The following GPHN variants were observed in gnomAD, a reference collection of about 807,000 sequenced individuals.
GPHN encodes gephyrin.
Under a neutral mutation model 95.5 loss-of-function variants are expected in GPHN, and 17 were observed. The observed-to-expected ratio is 0.18, with a 90% CI of 0.12 to 0.27. The LOEUF is 0.27. Ranked by LOEUF, GPHN falls within the 10% of genes least tolerant of loss-of-function variation. GPHN has a pLI of 1.00. For synonymous variants in GPHN, 320 were observed against 322.5 expected (o/e 0.99, Z 0.08); for missense variants, 660 against 978.1 (o/e 0.67, Z 4.34).
chr14:66,546,743 G>T (rs1471882128), intron 1 of GPHN, among the ~76,000 whole-genome samples: 3 of 141,548 alleles, frequency 2.1e-5, no homozygotes, highest in African/African-American at 5.1e-5. Flanking sequence ...CTTCAGCTCG[G>T]TATCAGAGGG....
At chr14:67,354,301 C>T in the GPHN span, among the ~76,000 whole-genome samples, 2 of 152,012 alleles carry the variant, frequency 1.3e-5, no homozygotes, top group African/African-American at 4.8e-5. Flanking sequence ...TTTATGATGC[C>T]AACATAGTTT....
chr14:67,192,070 TA>T, the GPHN span, among the ~76,000 whole-genome samples: 2 of 152,188 alleles, frequency 1.3e-5, no homozygotes, highest in Admixed American at 6.5e-5. Flanking sequence ...CCATCTCAAA[TA>T]AAACTCCATT....
intron 9 of GPHN, among the ~76,000 whole-genome samples, chr14:66,988,217 A>G (rs1479343797): frequency 6.6e-6 from 1 of 152,088 alleles, no homozygotes; most frequent in Non-Finnish European, 1.5e-5. Context: ...ACTGACTAAC[A>G]TTGCTGTTGA....
At chr14:67,538,212 C>G in the GPHN span, among the ~76,000 whole-genome samples, 9 of 152,102 alleles carry the variant, frequency 5.9e-5, no homozygotes, top group Non-Finnish European at 1.0e-4. Context: ...GTTAGACTAG[C>G]CTGTTAGTAT....
At chr14:66,970,085 G>GTTTT (rs76967963) in intron 9 of GPHN, among the ~76,000 whole-genome samples, 1,416 of 98,946 alleles carry the variant, frequency 0.014, 9 homozygotes, top group Non-Finnish European at 0.022. Context: ...AGCAAGTTGT[G>GTTTT]TTTTTTTTTT....
the GPHN span, chr14:67,579,828 C>T: frequency 6.8e-6 from 11 of 1,608,462 alleles, no homozygotes; most frequent in African/African-American, 2.7e-5. Context: ...TCTTCACGGA[C>T]GATCCCTCGG....
the GPHN span, among the ~76,000 whole-genome samples, chr14:67,262,462 GTT>G: frequency 3.3e-5 from 5 of 152,084 alleles, no homozygotes; most frequent in Non-Finnish European, 7.4e-5. Context: ...TTAAAACTCT[GTT>G]TGGCTCCTGG....
the GPHN span, chr14:67,332,708 C>T: frequency 6.9e-7 from 1 of 1,448,158 alleles, no homozygotes; most frequent in African/African-American, 1.4e-5. Context: ...TGTTCTTTGG[C>T]CATCTCTGAC....
intron 2 of GPHN, among the ~76,000 whole-genome samples, chr14:66,687,462 ACTT>A (rs918205485): frequency 3.6e-5 from 5 of 137,724 alleles, no homozygotes; most frequent in Admixed American, 2.1e-4. Context: ...TTACAATATT[ACTT>A]CTTTTTCTTT....
At chr14:67,408,923 G>A in the GPHN span, among the ~76,000 whole-genome samples, 1 of 151,458 alleles carries the variant, frequency 6.6e-6, no homozygotes, top group Non-Finnish European at 1.5e-5. Flanking sequence ...CAGTTTTTTC[G>A]CCACATAAAT....
chr14:67,508,007 G>A, the GPHN span, among the ~76,000 whole-genome samples: 293 of 152,112 alleles, frequency 1.9e-3, 2 homozygotes, highest in African/African-American at 6.7e-3. Context: ...ACGTGGGGGC[G>A]CATGCCTCTA....
intron 4 of GPHN, among the ~76,000 whole-genome samples, chr14:66,834,009 C>T (rs548710138): frequency 3.9e-4 from 60 of 152,136 alleles, no homozygotes; most frequent in Non-Finnish European, 8.1e-4. Flanking sequence ...ACATTTCAAC[C>T]ATCACTTCTT....
At chr14:66,928,340 G>A (rs969892736) in intron 8 of GPHN, among the ~76,000 whole-genome samples, 1 of 152,114 alleles carries the variant, frequency 6.6e-6, no homozygotes, top group African/African-American at 2.4e-5. Flanking sequence ...AGTCTGTAAT[G>A]ATACTTTGAA....
At chr14:67,639,626 G>C in the GPHN span, among the ~76,000 whole-genome samples, 1 of 152,002 alleles carries the variant, frequency 6.6e-6, no homozygotes, top group African/African-American at 2.4e-5. Context: ...GTCCATTCAA[G>C]ATCTGTACAG....
chr14:66,758,677 C>T (rs2058657203), intron 2 of GPHN, among the ~76,000 whole-genome samples: 1 of 152,176 alleles, frequency 6.6e-6, no homozygotes, highest in Admixed American at 6.5e-5. Context: ...GGTTTGGGTG[C>T]ATGGGGCTTG....
At chr14:67,513,812 T>C in the GPHN span, among the ~76,000 whole-genome samples, 1 of 152,322 alleles carries the variant, frequency 6.6e-6, no homozygotes, top group Admixed American at 6.5e-5. Flanking sequence ...CCCAAAGGGC[T>C]ATCCTGCCAC....
At chr14:66,839,225 G>A (rs1057435469) in intron 4 of GPHN, among the ~76,000 whole-genome samples, 3 of 152,200 alleles carry the variant, frequency 2.0e-5, no homozygotes, top group African/African-American at 4.8e-5. Flanking sequence ...CTGAATGAAC[G>A]AGACCGAAGG....
chr14:67,659,975 T>G, the GPHN span: 2 of 1,551,240 alleles, frequency 1.3e-6, no homozygotes, highest in Non-Finnish European at 1.8e-6. Context: ...CTCACTCATT[T>G]GGAAATATGC....
intron 8 of GPHN, among the ~76,000 whole-genome samples, chr14:66,942,975 T>C (rs2067517239): frequency 6.6e-6 from 1 of 152,222 alleles, no homozygotes; most frequent in Admixed American, 6.5e-5. Flanking sequence ...CAAAAACTTA[T>C]TATGACCCTT....
Sources: gnomAD v4.1 joint callset for allele counts (sites outside exome capture counted in the v4.1 genomes callset) on GRCh38, gnomAD v4.1.1 for gene constraint, MANE v1.5 for transcripts, NCBI Gene and HGNC (gene_info 2026-07-23, HGNC 2026-07-21) for gene names.